XRN1: variants seen among roughly 807,000 people sequenced by gnomAD.
XRN1 encodes the protein strand-exchange protein 1 homolog.
XRN1 carries 67 observed loss-of-function variants against 222.3 expected under a neutral mutation model. The observed-to-expected ratio is 0.30, with a 90% CI of 0.25 to 0.37. The LOEUF is 0.37. Ranked by LOEUF, XRN1 falls within the 10% of genes least tolerant of loss-of-function variation. The pLI is 1.00. For missense variants in XRN1, 1,707 were observed against 2,000.2 expected (o/e 0.85, Z 2.80); for synonymous variants, 643 against 652.4 (o/e 0.99, Z 0.22).
At chr3:142,341,935 G>A (rs1176258321) in intron 33 of XRN1, among the ~76,000 whole-genome samples, 1 of 152,092 alleles carries the variant, frequency 6.6e-6, no homozygotes, top group Non-Finnish European at 1.5e-5. Flanking sequence ...GGTATATAGA[G>A]CAAATATTAC....
chr3:142,424,343 G>A (rs79221882), intron 5 of XRN1, among the ~76,000 whole-genome samples: 11,415 of 152,068 alleles, frequency 0.075, 1,420 homozygotes, highest in African/African-American at 0.26. Flanking sequence ...TGATCTGGCC[G>A]CCTCGGCCTC....
Position 142,432,818 on chromosome 3 carries a change from C to T in XRN1, c.151G>A (p.Val51Ile), listed in dbSNP as rs1331448431. The change falls in exon 2 of 41, where the codon GTT becomes ATT. Residue 51 changes from valine (V) to isoleucine (I), a missense_variant. By Grantham distance (29) the Val-to-Ile change is conservative. Transcript: ENST00000392981. ...TTATCATCTGAAATTCTAAAGTGAA[C>T]ATCATCATCATTAGGATGGGAGCAC... ...HQCSHPNDDD[V>I]HFRISDDKIF... 3 of 1,613,742 alleles carry T rather than the reference C, an allele frequency of 1.9e-6. No individual in the cohort carries two copies. The Admixed American group carries it at 5.0e-5, about 27-fold the overall frequency.
chr3:142,392,973 C>G (rs1160708697), intron 20 of XRN1, among the ~76,000 whole-genome samples: 1 of 150,512 alleles, frequency 6.6e-6, no homozygotes, highest in Non-Finnish European at 1.5e-5. Flanking sequence ...TCTCCACATC[C>G]TCTCCAGCAC....
intron 25 of XRN1, among the ~76,000 whole-genome samples, chr3:142,373,969 G>A (rs1169565597): frequency 1.3e-5 from 2 of 152,110 alleles, no homozygotes; most frequent in Non-Finnish European, 1.5e-5. Flanking sequence ...GTGACAGAGC[G>A]AGACTGACTC....
intron 20 of XRN1, among the ~76,000 whole-genome samples, chr3:142,390,697 T>C (rs1037448493): frequency 7.6e-4 from 116 of 152,250 alleles, no homozygotes; most frequent in African/African-American, 2.6e-3. Context: ...GTAGCACTTT[T>C]GATTTCCTTC....
At chr3:142,387,249 T>C (rs374386461) in intron 20 of XRN1, among the ~76,000 whole-genome samples, 1 of 152,296 alleles carries the variant, frequency 6.6e-6, no homozygotes, top group African/African-American at 2.4e-5. Context: ...TTATACTGCA[T>C]AAAGTTCAAA....
intron 5 of XRN1, among the ~76,000 whole-genome samples, chr3:142,424,833 G>A (rs2069184030): frequency 7.0e-6 from 1 of 143,822 alleles, no homozygotes; most frequent in African/African-American, 2.6e-5. Flanking sequence ...TTTTGTTTAT[G>A]CTTGAAAATT....
At chr3:142,362,149 A>G (rs2066658446) in intron 29 of XRN1, among the ~76,000 whole-genome samples, 1 of 147,856 alleles carries the variant, frequency 6.8e-6, no homozygotes, top group Non-Finnish European at 1.5e-5. Context: ...TTGTATATAT[A>G]TTTTTTGAGA....
At position 142,414,220 on chromosome 3, in the gene XRN1, T is replaced by C. The variant is rs746870164; in HGVS notation, c.1508A>G (p.Glu503Gly). 3.7e-6 allele frequency: 6 copies of C among 1,613,890 alleles called. No homozygotes were observed. Among genetic ancestry groups the C allele is most frequent in the Non-Finnish European group, 4.2e-6 (5 of 1,179,958 alleles). ...HNISTLKIHF[E>G]LGKPFKPFEQ... ...AAATGGCTTAAAAGGTTTTCCTAGTTCAAAATGGATTTTGAGTGTACTGAT... is the reference window on the plus strand; with the variant it reads ...AAATGGCTTAAAAGGTTTTCCTAGTCCAAAATGGATTTTGAGTGTACTGAT... Residue 503 changes from glutamate (E) to glycine (G), a missense_variant, in exon 14 of 41, where the codon GAA becomes GGA. Physicochemically the swap from Glu to Gly is moderately conservative, Grantham distance 98. This residue lies in a region of XRN1 where 1,234 missense variants were observed against 1,518.2 expected (regional missense o/e 0.81). Coordinates refer to ENST00000392981, the MANE Select transcript of XRN1 (RefSeq NM_001282857.2).
intron 25 of XRN1, among the ~76,000 whole-genome samples, chr3:142,372,314 G>C (rs1038605037): frequency 2.6e-5 from 4 of 152,174 alleles, no homozygotes; most frequent in Non-Finnish European, 5.9e-5. Context: ...TGTGTCACTA[G>C]GAAGCATAAG....
In XRN1 at chr3:142,332,387, T is replaced by G; in HGVS notation, c.4210A>C (p.Asn1404His). 1 of 1,595,470 alleles carries G rather than the reference T, an allele frequency of 6.3e-7. No individual in the cohort carries two copies. Among genetic ancestry groups the G allele is most frequent in the Non-Finnish European group, 8.5e-7 (1 of 1,171,746 alleles). Residue 1404 changes from asparagine to histidine, a missense_variant, in exon 36 of 41, where the codon AAT (asparagine) becomes CAT (histidine). Physicochemically the swap from Asn to His is moderately conservative, Grantham distance 68 (BLOSUM62 1). Coordinates refer to ENST00000392981, the MANE Select transcript of XRN1 (RefSeq NM_001282857.2). ...EYGLPSQPKQ[N>H]KKLASYMNKP... Reference sequence around the variant, plus strand: ...TTAGTTTACTTACCTAATTTCTTATTTTGTTTAGGCTGAGAGGGTAATCCA... The same window carrying G: ...TTAGTTTACTTACCTAATTTCTTATGTTGTTTAGGCTGAGAGGGTAATCCA...
rs1174136783 is a variant in XRN1, at chr3:142,327,854, GTC to G, written c.4404+1578_4404+1579del. Among the ~76,000 whole-genome samples, 12 of 152,002 alleles carry G rather than the reference GTC, an allele frequency of 7.9e-5. No individual in the cohort carries two copies. The East Asian group carries it at 2.3e-3, about 29-fold the overall frequency. On this transcript the variant is annotated intron_variant, in intron 37 of 40. Transcript: ENST00000392981. The stretch of plus-strand genomic sequence containing the variant: ...CCCTGCCCATCCCCCACCCTTCCAA[GTC>G]TCTATTATTTCACACTCTATATCCC...
intron 20 of XRN1, among the ~76,000 whole-genome samples, chr3:142,391,209 G>A (rs929098997): frequency 5.3e-5 from 8 of 151,994 alleles, no homozygotes; most frequent in Admixed American, 4.6e-4. Context: ...CATGGTTGTC[G>A]CAAGCCTCTA....
Position 142,356,903 on chromosome 3 carries a change from G to A in XRN1, c.3672+9C>T, listed in dbSNP as rs1288710027. On this transcript the variant is annotated intron_variant, in intron 31 of 40. Coordinates refer to ENST00000392981, the MANE Select transcript of XRN1 (RefSeq NM_001282857.2). ...GGGTAGAGGAGAAGTTAAAGACTGA[G>A]AGTCTTACTTGAGTAGGAACAAAAA... 2 of 1,611,002 alleles carry A rather than the reference G, an allele frequency of 1.2e-6. No homozygotes were observed. The highest frequency in any genetic ancestry group is 2.2e-5 in the East Asian group (1 of 44,834).
chr3:142,447,844 T>C lies in XRN1; in HGVS notation c.75+26A>G. 1 of 1,612,484 alleles carries C rather than the reference T, an allele frequency of 6.2e-7. No individual in the cohort carries two copies. Among genetic ancestry groups the C allele is most frequent in the Non-Finnish European group, 8.5e-7 (1 of 1,179,646 alleles). ...GCGGAGCCCCGGGTCCTCGGCTTTC[T>C]GAGCCGTTGCCCCTCGCTCACCCAC... On this transcript the variant is annotated intron_variant, in intron 1 of 40. Transcript: ENST00000392981. This position sits in a 1 kb window ranked among gnomAD's most constrained non-coding sequence, Gnocchi z 4.2.
Position 142,432,737 on chromosome 3 carries a change from T to C in XRN1, c.232A>G (p.Arg78Gly). Residue 78 changes from arginine (R) to glycine (G), a missense_variant, in exon 2 of 41, where the codon AGG becomes GGG. By Grantham distance (125) the Arg-to-Gly change is moderately radical. Transcript: ENST00000392981. ...LEVLFRIIKP[R>G]KVFFMAVDGV... The stretch of plus-strand genomic sequence containing the variant: ...TCTACAGCCATAAAGAACACTTTCC[T>C]GGGTTTAATAATGCGAAACAACACC... The C allele has an allele frequency of 6.2e-7, 1 of 1,613,688 alleles. No homozygotes were observed. The highest frequency in any genetic ancestry group is 8.5e-7 in the Non-Finnish European group (1 of 1,179,830).
At chr3:142,331,742 T>C (rs767201061) in intron 36 of XRN1, among the ~76,000 whole-genome samples, 1 of 152,222 alleles carries the variant, frequency 6.6e-6, no homozygotes, top group African/African-American at 2.4e-5. Context: ...ATTTAGTGAC[T>C]GTAGATCTAT....
intron 37 of XRN1, among the ~76,000 whole-genome samples, chr3:142,320,262 A>T (rs2065317968): frequency 6.6e-6 from 1 of 152,130 alleles, no homozygotes; most frequent in South Asian, 2.1e-4. Flanking sequence ...AATAATAGCC[A>T]TTCCGCCTGG....
chr3:142,443,396 C>T (rs1010875732), intron 1 of XRN1, among the ~76,000 whole-genome samples: 2 of 152,106 alleles, frequency 1.3e-5, no homozygotes, highest in African/African-American at 2.4e-5. Flanking sequence ...GGAAGGTGAC[C>T]GCATCCACCT....
Sources: gnomAD v4.1 joint callset for allele counts (sites outside exome capture counted in the v4.1 genomes callset) on GRCh38, gnomAD v4.1.1 for gene constraint, gnomAD v4.1.1 regional missense constraint, Gnocchi (gnomAD v3.1) non-coding constraint, MANE v1.5 for transcripts, NCBI Gene and HGNC (gene_info 2026-07-23, HGNC 2026-07-21) for gene names.